Variants in SPAG16 observed in about 807,000 individuals in gnomAD.
The protein encoded by SPAG16 is sperm associated antigen 16, also known as sperm-associated antigen 16 protein.
Under a neutral mutation model 80.4 loss-of-function variants are expected in SPAG16, and 86 were observed. The ratio of observed to expected loss-of-function variants is 1.07; its 90% CI spans 0.90 to 1.28. The LOEUF is 1.28. SPAG16 is among the 50% of genes most tolerant of loss of function. The pLI is 0.00. For missense variants in SPAG16, 870 were observed against 765.3 expected, an observed-to-expected ratio of 1.14 and a Z score of -1.61; for synonymous variants, 294 against 265.9, an observed-to-expected ratio of 1.11 and a Z score of -1.03.
In SPAG16 at chr2:213,643,348, TTATATATATATATA is replaced by T. The variant is rs61608932; in HGVS notation, c.1070+153308_1070+153321del. On this transcript the variant is annotated intron_variant, in intron 10 of 15. Transcript: ENST00000331683. Reference sequence around the variant, plus strand: ...CTGCCAGATGTATTGGATCTTAATTTTATATATATATATATATATATATATATATATATATATAT... The same window carrying T: ...CTGCCAGATGTATTGGATCTTAATTTTATATATATATATATATATATATAT... 9.8e-3 allele frequency among the ~76,000 whole-genome samples: 382 copies of T among 38,996 alleles called. 12 individuals carry two copies. Among genetic ancestry groups the T allele is most frequent in the South Asian group, 0.013 (12 of 904 alleles). 25.6% of individuals were successfully genotyped at this position (38,996 alleles called of 152,430 possible).
chr2:213,778,873 C>T (rs979139784), intron 10 of SPAG16, among the ~76,000 whole-genome samples: 2 of 152,092 alleles, frequency 1.3e-5, no homozygotes, highest in African/African-American at 2.4e-5. Flanking sequence ...CTCAGCAAGC[C>T]TTCTTTGGCC....
chr2:213,786,458 T>G (rs2070350090), intron 10 of SPAG16, among the ~76,000 whole-genome samples: 1 of 152,236 alleles, frequency 6.6e-6, no homozygotes, highest in African/African-American at 2.4e-5. Context: ...TAAATGGATT[T>G]TAGCTAGCCA....
At chr2:214,239,887 A>G (rs1689344434) in intron 15 of SPAG16, 1 of 152,172 alleles carries the variant, frequency 6.6e-6, no homozygotes, top group African/African-American at 2.4e-5. Context: ...TGGCAATTTA[A>G]AACAATATAA....
intron 15 of SPAG16, among the ~76,000 whole-genome samples, chr2:214,323,328 ATATATATT>A (rs1036039197): frequency 3.3e-4 from 47 of 143,282 alleles, no homozygotes; most frequent in African/African-American, 5.2e-4. Flanking sequence ...TTAAATATAT[ATATATATT>A]TATTTATTTA....
chr2:214,114,929 G>C (rs2003598), intron 14 of SPAG16, among the ~76,000 whole-genome samples: 1 of 152,068 alleles, frequency 6.6e-6, no homozygotes, highest in African/African-American at 2.4e-5. Context: ...TTCCTATTTG[G>C]CCATCTTGGA....
intron 12 of SPAG16, among the ~76,000 whole-genome samples, chr2:213,939,397 T>C (rs753868103): frequency 1.3e-5 from 2 of 152,200 alleles, no homozygotes. Flanking sequence ...ATCAAAAGAT[T>C]AATTCCTTTC....
chr2:214,104,148 T>A (rs1254055863), intron 13 of SPAG16, among the ~76,000 whole-genome samples: 1 of 152,138 alleles, frequency 6.6e-6, no homozygotes, highest in Non-Finnish European at 1.5e-5. Context: ...AGTCATTCTT[T>A]AACTCAGGTG....
At chr2:213,705,786 T>TTTG (rs10525863) in intron 10 of SPAG16, among the ~76,000 whole-genome samples, 4 of 127,808 alleles carry the variant, frequency 3.1e-5, no homozygotes, top group Non-Finnish European at 6.9e-5. Flanking sequence ...TGGTGGAGGG[T>TTTG]TTGTTGTTGT....
At chr2:214,126,474 A>G (rs190218219) in intron 14 of SPAG16, among the ~76,000 whole-genome samples, 1 of 151,766 alleles carries the variant, frequency 6.6e-6, no homozygotes. Flanking sequence ...GGTCATCAAC[A>G]TGAATCTTGG....
intron 10 of SPAG16, among the ~76,000 whole-genome samples, chr2:213,669,262 T>C (rs912960881): frequency 6.6e-6 from 1 of 152,188 alleles, no homozygotes; most frequent in Non-Finnish European, 1.5e-5. Flanking sequence ...CTGTGACTCA[T>C]ATCAGTAGCT....
chr2:213,843,304 G>T (rs2556318), intron 10 of SPAG16, among the ~76,000 whole-genome samples: 140,506 of 152,128 alleles, frequency 0.92, 65,921 homozygotes, highest in East Asian at 1. Flanking sequence ...TTTGAGAAAT[G>T]GTCTCATGAA....
intron 15 of SPAG16, among the ~76,000 whole-genome samples, chr2:214,316,889 C>T (rs1695735972): frequency 1.3e-5 from 2 of 152,194 alleles, no homozygotes; most frequent in African/African-American, 4.8e-5. Context: ...TCCAGCTCTC[C>T]ACTAAATCAT....
intron 10 of SPAG16, among the ~76,000 whole-genome samples, chr2:213,695,905 A>G (rs2065136403): frequency 1.3e-5 from 2 of 152,176 alleles, no homozygotes; most frequent in South Asian, 4.1e-4. Flanking sequence ...ATGTCATCCA[A>G]TTTAGATTTT....
chr2:213,787,930 A>C (rs1397984296), intron 10 of SPAG16, among the ~76,000 whole-genome samples: 10 of 152,102 alleles, frequency 6.6e-5, no homozygotes, highest in Admixed American at 4.6e-4. Flanking sequence ...ATGTCCAAAA[A>C]TCCTAGAAGA....
At position 213,350,546 on chromosome 2, in the gene SPAG16, A is replaced by G. The variant is rs2125043637; in HGVS notation, c.663A>G (p.Ala221=). 6.4e-7 allele frequency: 1 copy of G among 1,568,950 alleles called. No homozygotes were observed. The highest frequency in any genetic ancestry group is 1.2e-5 in the South Asian group (1 of 82,536). ...NDLKGLKLHY[A]SYEPTIRVLH... ...TTTATAGGTTGAAGTTACATTATGCATCTTATGAACCGACTATAAGGGTGT... is the reference window on the plus strand; with the variant it reads ...TTTATAGGTTGAAGTTACATTATGCGTCTTATGAACCGACTATAAGGGTGT... Residue 221 remains alanine (A), a synonymous_variant, in exon 7 of 16, where the codon GCA becomes GCG. Coordinates refer to ENST00000331683, the MANE Select transcript of SPAG16 (RefSeq NM_024532.5).
chr2:214,061,373 A>C (rs1338367964), intron 13 of SPAG16, among the ~76,000 whole-genome samples: 3 of 152,180 alleles, frequency 2.0e-5, no homozygotes, highest in Non-Finnish European at 2.9e-5. Context: ...TATTAGTATG[A>C]GTTTTCCAGA....
At chr2:213,763,906 T>G (rs2068794584) in intron 10 of SPAG16, among the ~76,000 whole-genome samples, 1 of 152,214 alleles carries the variant, frequency 6.6e-6, no homozygotes, top group Non-Finnish European at 1.5e-5. Flanking sequence ...CAGCTTTTAA[T>G]ATGAGAAGGA....
chr2:213,555,028 A>G (rs1256637955), intron 10 of SPAG16, among the ~76,000 whole-genome samples: 1 of 152,088 alleles, frequency 6.6e-6, no homozygotes, highest in African/African-American at 2.4e-5. Context: ...TCCAAAAAAG[A>G]CTACACCAAG....
chr2:214,339,840 G>T (rs11897203), intron 15 of SPAG16, among the ~76,000 whole-genome samples: 73,644 of 151,992 alleles, frequency 0.48, 21,386 homozygotes, highest in Non-Finnish European at 0.65. Context: ...GGGTTTTGTA[G>T]ATGTCATTTA....
Sources: gnomAD v4.1 joint callset for allele counts (sites outside exome capture counted in the v4.1 genomes callset) on GRCh38, gnomAD v4.1.1 for gene constraint, MANE v1.5 for transcripts, NCBI Gene and HGNC (gene_info 2026-07-23, HGNC 2026-07-21) for gene names.